The following PRKX variants were observed in gnomAD, a reference collection of about 807,000 sequenced individuals.
The protein encoded by PRKX is protein kinase cAMP-dependent X-linked catalytic subunit.
PRKX carries 12 observed loss-of-function variants against 22.0 expected under a neutral mutation model. The observed-to-expected ratio is 0.54, with a 90% confidence interval of 0.35 to 0.88. The LOEUF is 0.88. Ranked by LOEUF, PRKX falls within the 40% of genes least tolerant of loss-of-function variation. The pLI, the probability that PRKX is intolerant of heterozygous loss-of-function variation, is 0.01. For synonymous variants in PRKX, 134 were observed against 137.7 expected (o/e 0.97, Z 0.19); for missense variants, 217 against 308.0 (o/e 0.70, Z 2.21).
chrX:3,690,241 T>C (rs1285323987), intron 1 of PRKX, among the ~76,000 whole-genome samples: 4 of 111,665 alleles, frequency 3.6e-5, no homozygotes, highest in Non-Finnish European at 7.5e-5. Context: ...TTAAAAACAG[T>C]AGAGCCAATT....
intron 2 of PRKX, among the ~76,000 whole-genome samples, chrX:3,664,823 G>A (rs1373263661): frequency 8.9e-6 from 1 of 111,949 alleles, no homozygotes; most frequent in Non-Finnish European, 1.9e-5. Context: ...GGGGAAGGCT[G>A]GGAAGGGGTT....
rs765616733 is a variant in PRKX, at chrX:3,605,395, T to C, written c.*3574A>G. The C allele has an allele frequency of 8.9e-6, 1 of 112,498 alleles. No homozygotes were observed. The highest frequency in any genetic ancestry group is 3.2e-5 in the African/African-American group (1 of 30,978). 9.3% of individuals were successfully genotyped at this position (112,498 alleles called of 1,213,427 possible). ...GCTGTCTTGCACCCTGTTCACTCAG[T>C]AGCTGGAGCAATGAATGATTGTGAC... is the stretch of plus-strand genomic sequence containing the variant. On this transcript the variant is annotated 3_prime_UTR_variant, in exon 9 of 9. Coordinates refer to ENST00000262848, the MANE Select transcript of PRKX (RefSeq NM_005044.5).
chrX:3,680,734 C>T (rs1928055123), intron 1 of PRKX, among the ~76,000 whole-genome samples: 1 of 112,019 alleles, frequency 8.9e-6, no homozygotes, highest in Non-Finnish European at 1.9e-5. Context: ...TTAGTGAAGA[C>T]TCACAACTGG....
chrX:3,642,353 G>A, intron 3 of PRKX, among the ~76,000 whole-genome samples: 1 of 110,729 alleles, frequency 9.0e-6, no homozygotes, highest in Non-Finnish European at 1.9e-5. Flanking sequence ...GCAGCAACAT[G>A]GACGGAGGTG....
chrX:3,617,066 T>G (rs1027273258), intron 6 of PRKX, among the ~76,000 whole-genome samples: 2 of 110,632 alleles, frequency 1.8e-5, no homozygotes, highest in African/African-American at 6.6e-5. Context: ...ATACACATAC[T>G]TATAGACATA....
chrX:3,655,035 A>G, intron 3 of PRKX, 114 bp downstream of exon 3: 2 of 1,039,483 alleles, frequency 1.9e-6, no homozygotes, highest in Middle Eastern at 2.6e-4. Context: ...TGTCTCCTAC[A>G]CATGAGAGTT....
chrX:3,656,046 T>C (rs1236231063), intron 2 of PRKX, among the ~76,000 whole-genome samples: 1 of 111,521 alleles, frequency 9.0e-6, no homozygotes, highest in African/African-American at 3.3e-5. Context: ...AAAATACAGA[T>C]AGATAAATGT....
At chrX:3,647,886 AC>A (rs1421169589) in intron 3 of PRKX, among the ~76,000 whole-genome samples, 1 of 109,053 alleles carries the variant, frequency 9.2e-6, no homozygotes, top group Admixed American at 1.0e-4. Context: ...CCTTCCCTGC[AC>A]CTCCCCGGCC....
chrX:3,701,519 T>C (rs1174911713), intron 1 of PRKX, among the ~76,000 whole-genome samples: 3 of 112,312 alleles, frequency 2.7e-5, no homozygotes, highest in African/African-American at 9.7e-5. Context: ...CCAAGCTGGA[T>C]TTTGCGATCT....
intron 4 of PRKX, among the ~76,000 whole-genome samples, chrX:3,634,368 A>G (rs1269543530): frequency 3.6e-5 from 4 of 110,818 alleles, no homozygotes; most frequent in African/African-American, 6.6e-5. Context: ...AAGCGGAAGG[A>G]GCAGGCACTG....
At chrX:3,615,314 C>T (rs1384968550) in intron 7 of PRKX, among the ~76,000 whole-genome samples, 1 of 111,609 alleles carries the variant, frequency 9.0e-6, no homozygotes, top group Non-Finnish European at 1.9e-5. Context: ...CCACAGCACC[C>T]AGCCAAAAAG....
At chrX:3,704,594 G>A (rs1928645954) in intron 1 of PRKX, among the ~76,000 whole-genome samples, 1 of 110,730 alleles carries the variant, frequency 9.0e-6, no homozygotes, top group Admixed American at 9.6e-5. Context: ...TTGAGCCTGG[G>A]ACGTCAATGC....
intron 1 of PRKX, among the ~76,000 whole-genome samples, chrX:3,697,641 C>A: frequency 9.1e-6 from 1 of 109,843 alleles, no homozygotes. Flanking sequence ...AACTTCCAGG[C>A]TCAGGCGATC....
At chrX:3,613,616 G>A (rs1168028847) in intron 7 of PRKX, among the ~76,000 whole-genome samples, 1 of 109,410 alleles carries the variant, frequency 9.1e-6, no homozygotes, top group Non-Finnish European at 1.9e-5. Context: ...AGGCCGAGGA[G>A]AGTGGATCAT....
chrX:3,657,510 A>AT (rs1439347220), intron 2 of PRKX, among the ~76,000 whole-genome samples: 1 of 111,954 alleles, frequency 8.9e-6, no homozygotes, highest in Non-Finnish European at 1.9e-5. Flanking sequence ...AAAACAATAA[A>AT]TCAGTGTTGT....
At chrX:3,700,728 G>C in intron 1 of PRKX, among the ~76,000 whole-genome samples, 1 of 101,246 alleles carries the variant, frequency 9.9e-6, no homozygotes, top group East Asian at 2.9e-4. Context: ...ACAGGCACGT[G>C]CCACCACGCC....
In PRKX at chrX:3,648,056, T is replaced by C. The variant is rs1001126285; in HGVS notation, c.600-6085A>G. 2.9e-4 allele frequency among the ~76,000 whole-genome samples: 32 copies of C among 111,951 alleles called. 1 individual carries two copies. The highest frequency in any genetic ancestry group is 4.2e-3 in the Middle Eastern group (1 of 239). The stretch of plus-strand genomic sequence containing the variant: ...CAACGCGTAGAATGTGTCAGAATTA[T>C]ATTCCTTTTCAAGGCCAAATAATAT... On this transcript the variant is annotated intron_variant, in intron 3 of 8. Transcript: ENST00000262848.
chrX:3,630,509 G>A (rs1212388341), intron 4 of PRKX, among the ~76,000 whole-genome samples: 8 of 111,553 alleles, frequency 7.2e-5, no homozygotes, highest in Non-Finnish European at 1.5e-4. Flanking sequence ...GCAGTGAGCC[G>A]AGATCACGCC....
At chrX:3,621,080 C>A (rs1926545661) in intron 6 of PRKX, among the ~76,000 whole-genome samples, 179 bp downstream of exon 6, 1 of 111,144 alleles carries the variant, frequency 9.0e-6, no homozygotes, top group Non-Finnish European at 1.9e-5. Context: ...TTTGATAGAT[C>A]TTTCCTGGCA....
Sources: allele counts gnomAD v4.1 joint callset (sites outside exome capture counted in the v4.1 genomes callset), GRCh38; gene constraint gnomAD v4.1.1; transcripts MANE v1.5; gene names NCBI Gene and HGNC (gene_info 2026-07-23, HGNC 2026-07-21).